ABHD12: variants seen among roughly 807,000 people sequenced by gnomAD.
ABHD12 encodes the protein abhydrolase domain containing 12, lysophospholipase.
In ABHD12, 43 loss-of-function variants were observed where a neutral mutation model predicts 58.3. That is an observed-to-expected ratio of 0.74 (90% confidence interval 0.58 to 0.95). The LOEUF is 0.95. ABHD12 is among the 40% of genes least tolerant of loss of function. The pLI, the probability that ABHD12 is intolerant of heterozygous loss-of-function variation, is 0.00. For synonymous variants in ABHD12, 219 were observed against 211.2 expected, an observed-to-expected ratio of 1.04 and a Z score of -0.32; for missense variants, 539 against 537.2, an observed-to-expected ratio of 1.00 and a Z score of -0.03.
chr20:25,297,778 A>G (rs1192886473), downstream of ABHD12: 1 of 152,222 alleles, frequency 6.6e-6, no homozygotes. Flanking sequence ...GCCCACCAGG[A>G]GGATCTGCGC....
At chr20:25,307,378 GC>G (rs1385384745) in intron 9 of ABHD12, among the ~76,000 whole-genome samples, 1 of 152,280 alleles carries the variant, frequency 6.6e-6, no homozygotes, top group African/African-American at 2.4e-5. Flanking sequence ...GCCAGCATGG[GC>G]TGACACAGGC....
At chr20:25,352,938 G>A (rs376494640) in intron 1 of ABHD12, among the ~76,000 whole-genome samples, 2 of 152,054 alleles carry the variant, frequency 1.3e-5, no homozygotes, top group African/African-American at 2.4e-5. Context: ...CAGCTACTCT[G>A]AAGGCTGAGT....
chr20:25,319,364 G>A, intron 4 of ABHD12, among the ~76,000 whole-genome samples: 1 of 152,188 alleles, frequency 6.6e-6, no homozygotes, highest in East Asian at 1.9e-4. Flanking sequence ...AACTGGGCAG[G>A]GCTGATTAAC....
At chr20:25,297,466 C>G (rs1316822128), downstream of ABHD12, 2 of 152,444 alleles carry the variant, frequency 1.3e-5, no homozygotes, top group African/African-American at 4.8e-5. Context: ...GTTGTACACA[C>G]AAGGGCCAGG....
At chr20:25,324,757 C>T (rs2089144171) in intron 2 of ABHD12, among the ~76,000 whole-genome samples, 1 of 152,254 alleles carries the variant, frequency 6.6e-6, no homozygotes, top group Non-Finnish European at 1.5e-5. Context: ...TGTGGGGAGA[C>T]AGTTCCTACC....
intron 4 of ABHD12, among the ~76,000 whole-genome samples, chr20:25,319,724 ACCCCAAAG>A (rs1366180566): frequency 5.9e-5 from 9 of 152,088 alleles, no homozygotes; most frequent in Non-Finnish European, 1.3e-4. Flanking sequence ...CCTCGGAGGG[ACCCCAAAG>A]CCCTCACTCT....
intron 10 of ABHD12, among the ~76,000 whole-genome samples, chr20:25,305,874 A>C (rs903918671): frequency 6.6e-6 from 1 of 152,170 alleles, no homozygotes; most frequent in Non-Finnish European, 1.5e-5. Context: ...TTTCTGATTA[A>C]GTCAGTATCA....
chr20:25,357,212 C>T (rs1011086661), intron 1 of ABHD12, among the ~76,000 whole-genome samples: 5 of 152,182 alleles, frequency 3.3e-5, no homozygotes, highest in Admixed American at 6.5e-5. Flanking sequence ...TTCAGTCTCT[C>T]GCAGGGGCCC....
At chr20:25,312,889 G>A (rs954671703) in intron 6 of ABHD12, among the ~76,000 whole-genome samples, 7 of 151,284 alleles carry the variant, frequency 4.6e-5, no homozygotes, top group African/African-American at 1.7e-4. Context: ...TGAGAAGTGC[G>A]GAGCCCCTCC....
At chr20:25,299,941 G>A (rs1432650009), downstream of ABHD12, among the ~76,000 whole-genome samples, 1 of 152,100 alleles carries the variant, frequency 6.6e-6, no homozygotes, top group Admixed American at 6.5e-5. Context: ...GGTAGCTCAG[G>A]GTACCCCAGT....
chr20:25,328,046 CT>C (rs2089205754), intron 2 of ABHD12, among the ~76,000 whole-genome samples: 1 of 151,866 alleles, frequency 6.6e-6, no homozygotes, highest in Non-Finnish European at 1.5e-5. Flanking sequence ...CTTAAAAACT[CT>C]GATCCCTGAA....
chr20:25,298,269 G>GT (rs971328985), downstream of ABHD12, among the ~76,000 whole-genome samples: 2 of 52,078 alleles, frequency 3.8e-5, no homozygotes, highest in Non-Finnish European at 9.3e-5. Context: ...GGCTAGTTTT[G>GT]TTTTTTTGTT....
At chr20:25,338,817 C>A (rs1029708497) in intron 2 of ABHD12, 36 of 1,012,530 alleles carry the variant, frequency 3.6e-5, no homozygotes, top group Non-Finnish European at 4.0e-5. Flanking sequence ...CTGGAATGCA[C>A]AACTGACAAG....
At chr20:25,361,540 T>C (rs2089748015) in intron 1 of ABHD12, among the ~76,000 whole-genome samples, 1 of 152,262 alleles carries the variant, frequency 6.6e-6, no homozygotes, top group African/African-American at 2.4e-5. Flanking sequence ...TTCTTAGATG[T>C]GTATTTTGTT....
chr20:25,326,848 C>T (rs1054407128), intron 2 of ABHD12, among the ~76,000 whole-genome samples: 4 of 152,150 alleles, frequency 2.6e-5, no homozygotes, highest in African/African-American at 7.2e-5. Flanking sequence ...CTACAAGTCA[C>T]CAAACTAATG....
At chr20:25,298,737 T>C (rs988275628), downstream of ABHD12, among the ~76,000 whole-genome samples, 14 of 152,296 alleles carry the variant, frequency 9.2e-5, no homozygotes, top group East Asian at 7.7e-4. Context: ...AATTGTACAG[T>C]TGCAGATTAA....
At position 25,309,502 on chromosome 20, in the gene ABHD12, G is replaced by A. The variant is rs771929749; in HGVS notation, c.693C>T (p.Ile231=). Residue 231 remains isoleucine, a synonymous_variant, in exon 7 of 13, where the codon ATC becomes ATT. Transcript: ENST00000339157. Reference sequence around the variant, plus strand: ...CGGGGTTGTCACCACTTCTTGCTTTGATCCAGTCAAAAACGTGGAGTGCGT... The same window carrying A: ...CGGGGTTGTCACCACTTCTTGCTTTAATCCAGTCAAAAACGTGGAGTGCGT... ...TYDALHVFDW[I]KARSGDNPVY... The A allele has an allele frequency of 1.1e-5, 18 of 1,614,084 alleles. No individual in the cohort carries two copies. Among genetic ancestry groups the A allele is most frequent in the Non-Finnish European group, 1.5e-5 (18 of 1,180,050 alleles).
intron 1 of ABHD12, among the ~76,000 whole-genome samples, chr20:25,351,539 T>C (rs1255162417): frequency 6.6e-6 from 1 of 152,234 alleles, no homozygotes; most frequent in Non-Finnish European, 1.5e-5. Flanking sequence ...ATACTGATGC[T>C]TGGGACTTGC....
In ABHD12 at chr20:25,330,236, G is replaced by A. The variant is rs192479984; in HGVS notation, c.317-6806C>T. Among the ~76,000 whole-genome samples the A allele has an allele frequency of 8.0e-4, 122 of 152,350 alleles. 3 individuals are homozygous for A. The East Asian group carries it at 0.02, about 25-fold the overall frequency. Reference sequence around the variant, plus strand: ...CTGGAAAATCGGGTCACTCCCACCCGAATACTGTGCTTTTCCGACTGGCTT... The same window carrying A: ...CTGGAAAATCGGGTCACTCCCACCCAAATACTGTGCTTTTCCGACTGGCTT... On this transcript the variant is annotated intron_variant, in intron 2 of 12. Coordinates refer to ENST00000339157, the MANE Select transcript of ABHD12 (RefSeq NM_001042472.3).
Sources: allele counts gnomAD v4.1 joint callset (sites outside exome capture counted in the v4.1 genomes callset), GRCh38; gene constraint gnomAD v4.1.1; transcripts MANE v1.5; gene names NCBI Gene and HGNC (gene_info 2026-07-23, HGNC 2026-07-21).